The following RAB2A variants were observed in gnomAD, a reference collection of about 807,000 sequenced individuals.
The protein encoded by RAB2A is RAB2A, member RAS oncogene family, also known as ras-related protein Rab-2A.
Under a neutral mutation model 32.5 loss-of-function variants are expected in RAB2A, and 7 were observed. The observed-to-expected ratio is 0.22, with a 90% CI of 0.12 to 0.40. RAB2A has a LOEUF of 0.40. Ranked by LOEUF, RAB2A falls within the 10% of genes least tolerant of loss-of-function variation. RAB2A has a pLI of 1.00. For synonymous variants in RAB2A, 79 were observed against 85.2 expected, an observed-to-expected ratio of 0.93 and a Z score of 0.40; for missense variants, 108 against 260.7, an observed-to-expected ratio of 0.41 and a Z score of 4.03.
chr8:60,601,229 C>T (rs567562904), intron 6 of RAB2A, among the ~76,000 whole-genome samples: 46 of 62,888 alleles, frequency 7.3e-4, no homozygotes, highest in Middle Eastern at 0.014. Flanking sequence ...CTGTATGTTG[C>T]GTTTCTGCAC....
intron 1 of RAB2A, chr8:60,552,004 T>TTTTTTTTTTGTTTG (rs1554553383): frequency 7.4e-6 from 1 of 135,982 alleles, no homozygotes; most frequent in Non-Finnish European, 1.6e-5. Flanking sequence ...GCTGGGAGTT[T>TTTTTTTTTTGTTTG]TTTTTTTTTT....
At chr8:60,581,730 G>A (rs898744195) in intron 3 of RAB2A, among the ~76,000 whole-genome samples, 1 of 151,982 alleles carries the variant, frequency 6.6e-6, no homozygotes, top group Non-Finnish European at 1.5e-5. Flanking sequence ...ATTTGGCTGG[G>A]AACAGTGGCC....
At chr8:60,565,461 G>C (rs935566440) in intron 2 of RAB2A, among the ~76,000 whole-genome samples, 4 of 149,770 alleles carry the variant, frequency 2.7e-5, no homozygotes, top group African/African-American at 9.8e-5. Flanking sequence ...TGGTGGAAAT[G>C]AAAGTATACT....
intron 3 of RAB2A, among the ~76,000 whole-genome samples, chr8:60,577,658 C>G (rs1470370893): frequency 1.3e-5 from 2 of 151,448 alleles, no homozygotes; most frequent in African/African-American, 4.9e-5. Flanking sequence ...GAGTCTCGCT[C>G]TGTCGCCCAG....
chr8:60,573,867 C>T (rs187874508), intron 3 of RAB2A, among the ~76,000 whole-genome samples: 4 of 152,352 alleles, frequency 2.6e-5, no homozygotes, highest in African/African-American at 7.2e-5. Context: ...GCTGCAGCCT[C>T]GAGCTCCTGG....
intron 2 of RAB2A, chr8:60,559,325 A>G (rs1586082411): frequency 3.4e-5 from 6 of 177,018 alleles, no homozygotes; most frequent in Middle Eastern, 2.8e-3. Flanking sequence ...CAATGAGAGT[A>G]GTAGTACCAA....
intron 1 of RAB2A, among the ~76,000 whole-genome samples, chr8:60,548,960 A>T (rs1807797024): frequency 6.7e-6 from 1 of 148,160 alleles, no homozygotes; most frequent in Non-Finnish European, 1.5e-5. Flanking sequence ...CTCACTTCTC[A>T]GACGGGGCGG....
intron 6 of RAB2A, among the ~76,000 whole-genome samples, chr8:60,606,739 A>T (rs1804237758): frequency 6.6e-6 from 1 of 152,258 alleles, no homozygotes; most frequent in African/African-American, 2.4e-5. Context: ...AAATTTTTCT[A>T]ACAGTTGCCC....
intron 1 of RAB2A, among the ~76,000 whole-genome samples, chr8:60,526,041 A>G (rs927542544): frequency 8.0e-6 from 1 of 125,146 alleles, no homozygotes; most frequent in Non-Finnish European, 1.7e-5. Flanking sequence ...ATATATATAT[A>G]TATATATATA....
intron 1 of RAB2A, among the ~76,000 whole-genome samples, chr8:60,519,164 A>G (rs900173467): frequency 1.3e-5 from 2 of 152,160 alleles, no homozygotes; most frequent in Non-Finnish European, 2.9e-5. Flanking sequence ...TATAGTCTGC[A>G]GCAGTACTTC....
At chr8:60,575,923 G>A (rs1382176088) in intron 3 of RAB2A, among the ~76,000 whole-genome samples, 2 of 152,106 alleles carry the variant, frequency 1.3e-5, no homozygotes, top group Non-Finnish European at 2.9e-5. Flanking sequence ...CCAAAGTGCT[G>A]GGATTATAGG....
chr8:60,523,177 CTT>C (rs951101744), intron 1 of RAB2A, among the ~76,000 whole-genome samples: 1 of 125,408 alleles, frequency 8.0e-6, no homozygotes, highest in African/African-American at 3.1e-5. Flanking sequence ...TTTTTTTTTT[CTT>C]GAGACAGTCT....
At chr8:60,540,146 A>AC (rs1807617168) in intron 1 of RAB2A, among the ~76,000 whole-genome samples, 1 of 150,394 alleles carries the variant, frequency 6.6e-6, no homozygotes, top group Non-Finnish European at 1.5e-5. Flanking sequence ...GCGTAGACAT[A>AC]CTAGATGTTA....
At chr8:60,594,814 A>G (rs1042462698) in intron 6 of RAB2A, among the ~76,000 whole-genome samples, 3 of 152,198 alleles carry the variant, frequency 2.0e-5, no homozygotes, top group Non-Finnish European at 2.9e-5. Context: ...ACATGAACTC[A>G]ACTTTTTTAT....
chr8:60,565,820 C>T (rs1191824324), intron 2 of RAB2A, among the ~76,000 whole-genome samples: 2 of 150,716 alleles, frequency 1.3e-5, no homozygotes, highest in African/African-American at 4.9e-5. Context: ...AAGCGATTCT[C>T]CTGCCTCAGC....
chr8:60,528,641 G>A (rs1017787280), intron 1 of RAB2A, among the ~76,000 whole-genome samples: 4 of 151,670 alleles, frequency 2.6e-5, no homozygotes, highest in Non-Finnish European at 5.9e-5. Flanking sequence ...GTTGTTTTAT[G>A]GCAAGTTTCT....
At chr8:60,552,025 TGGAGTTTCGC>T (rs1807859967) in intron 1 of RAB2A, 1 of 145,590 alleles carries the variant, frequency 6.9e-6, no homozygotes, top group African/African-American at 2.6e-5. Flanking sequence ...TTTTTTAAGA[TGGAGTTTCGC>T]TTTTGTTGCC....
rs1804546216 is a variant in RAB2A at position 60,622,578 on chromosome 8, G to A, written c.*1809G>A. 6.6e-6 allele frequency: 1 copy of A among 152,182 alleles called. No individual in the cohort carries two copies. Among genetic ancestry groups the A allele is most frequent in the Non-Finnish European group, 1.5e-5 (1 of 68,022 alleles). 9.4% of individuals were successfully genotyped at this position (152,182 alleles called of 1,614,324 possible). ...GACAGGTACTGCTCTATACCAAGAA[G>A]AGAATGATTCTTTGGAAATTGTTAT... On this transcript the variant is annotated 3_prime_UTR_variant, in exon 8 of 8. Coordinates refer to ENST00000262646, the MANE Select transcript of RAB2A (RefSeq NM_002865.3).
chr8:60,577,937 C>T (rs555678309), intron 3 of RAB2A, among the ~76,000 whole-genome samples: 27 of 152,112 alleles, frequency 1.8e-4, no homozygotes, highest in Non-Finnish European at 3.1e-4. Context: ...CCACCACACC[C>T]GGCCAAGGTC....
Sources: gnomAD v4.1 joint callset for allele counts (sites outside exome capture counted in the v4.1 genomes callset) on GRCh38, gnomAD v4.1.1 for gene constraint, MANE v1.5 for transcripts, NCBI Gene and HGNC (gene_info 2026-07-23, HGNC 2026-07-21) for gene names.